The following CHODL variants were observed in gnomAD, a reference collection of about 807,000 sequenced individuals.
The protein encoded by CHODL is transmembrane protein MT75.
Under a neutral mutation model 34.5 loss-of-function variants are expected in CHODL, and 29 were observed. That is an observed-to-expected ratio of 0.84 (90% CI 0.63 to 1.15). CHODL has a LOEUF of 1.15. Among genes scored for constraint, CHODL ranks in the 50% most tolerant of loss-of-function variants. The probability of loss-of-function intolerance (pLI) is 0.00; values close to 1 mark genes in which losing one functional copy is unlikely to be tolerated. For missense variants in CHODL, 332 were observed against 332.5 expected (o/e 1.00, Z 0.01); for synonymous variants, 125 against 116.1 (o/e 1.08, Z -0.49).
rs148125625 is a variant in CHODL at position 17,921,795 on chromosome 21, A to C, written c.-145+4395A>C. Reference sequence around the variant, plus strand: ...AAGGCCAGCTAGGAATTTTTGGTACAAGTCCAGGCAAGAGATAATGCTGAG... The same window carrying C: ...AAGGCCAGCTAGGAATTTTTGGTACCAGTCCAGGCAAGAGATAATGCTGAG... On this transcript the variant is annotated intron_variant, in intron 1 of 6. Coordinates refer to the CHODL transcript ENST00000400127. 7.6e-3 allele frequency among the ~76,000 whole-genome samples: 1,163 copies of C among 152,296 alleles called. 15 individuals are homozygous for C. The highest frequency in any genetic ancestry group is 0.026 in the African/African-American group (1,075 of 41,560).
chr21:18,175,315 A>G (rs1266114232), intron 2 of CHODL, among the ~76,000 whole-genome samples: 6 of 152,126 alleles, frequency 3.9e-5, no homozygotes, highest in Admixed American at 1.3e-4. Context: ...ACTGTGTACC[A>G]GGTAGTGGTG....
chr21:17,982,039 G>C (rs772657444), intron 1 of CHODL, among the ~76,000 whole-genome samples: 6 of 152,194 alleles, frequency 3.9e-5, no homozygotes, highest in Non-Finnish European at 8.8e-5. Context: ...TCCTAGGATT[G>C]TTGGTGTAAA....
intron 1 of CHODL, among the ~76,000 whole-genome samples, chr21:17,972,854 A>G (rs9680478): frequency 0.018 from 2,706 of 152,290 alleles, 78 homozygotes; most frequent in African/African-American, 0.06. Flanking sequence ...AAGCAAAAAG[A>G]ACAAAGCTGG....
upstream of CHODL, among the ~76,000 whole-genome samples, chr21:18,243,841 C>T (rs2074104720): frequency 6.6e-6 from 1 of 152,080 alleles, no homozygotes. Context: ...CTTATGAAAC[C>T]AAAGACAGGA....
intron 2 of CHODL, among the ~76,000 whole-genome samples, chr21:18,217,119 C>T (rs1466655898): frequency 1.3e-5 from 2 of 152,128 alleles, no homozygotes; most frequent in African/African-American, 2.4e-5. Context: ...TGTGGAAGTG[C>T]ATATATCTTT....
intron 2 of CHODL, among the ~76,000 whole-genome samples, chr21:18,208,183 T>TTG (rs1209653796): frequency 6.6e-6 from 1 of 150,648 alleles, no homozygotes; most frequent in African/African-American, 2.5e-5. Flanking sequence ...TTTTTTTTTT[T>TTG]GGTCTGCTCT....
intron 2 of CHODL, among the ~76,000 whole-genome samples, chr21:18,144,755 A>T (rs1341172156): frequency 6.6e-6 from 1 of 151,834 alleles, no homozygotes; most frequent in African/African-American, 2.4e-5. Flanking sequence ...AAGATTTTAA[A>T]ATTTTTCTTT....
At chr21:18,232,940 A>ATT (rs931967464) in intron 2 of CHODL, among the ~76,000 whole-genome samples, 25 of 81,462 alleles carry the variant, frequency 3.1e-4, no homozygotes, top group South Asian at 7.3e-4. Context: ...ACATGATGTT[A>ATT]TGATATATAT....
At chr21:18,174,161 A>ATATCTTGGTATATATATAT (rs2073276201) in intron 2 of CHODL, among the ~76,000 whole-genome samples, 2 of 85,680 alleles carry the variant, frequency 2.3e-5, no homozygotes, top group South Asian at 7.4e-4. Flanking sequence ...ATATATATAT[A>ATATCTTGGTATATATATAT]AAATCAAGTC....
intron 1 of CHODL, among the ~76,000 whole-genome samples, chr21:17,930,813 CCTCT>C (rs961038556): frequency 2.6e-5 from 4 of 152,182 alleles, no homozygotes; most frequent in Non-Finnish European, 5.9e-5. Flanking sequence ...AACCATTCCC[CCTCT>C]CTCTATGAAG....
At chr21:18,028,254 T>A (rs2064200409) in intron 2 of CHODL, among the ~76,000 whole-genome samples, 1 of 62,282 alleles carries the variant, frequency 1.6e-5, no homozygotes. Context: ...CCCCTTTTCC[T>A]TTTCTTTTTC....
At chr21:18,087,268 T>C (rs1218493447) in intron 2 of CHODL, among the ~76,000 whole-genome samples, 4 of 152,036 alleles carry the variant, frequency 2.6e-5, no homozygotes, top group Non-Finnish European at 5.9e-5. Flanking sequence ...CAGGAGCCCA[T>C]AGCAGGGAAA....
rs1464660304 is a variant in CHODL, at chr21:18,239,536, C to T, written c.-44-16973C>T. Among the ~76,000 whole-genome samples the T allele has an allele frequency of 5.9e-5, 9 of 151,968 alleles. 1 individual carries two copies. Among genetic ancestry groups the T allele is most frequent in the Admixed American group, 3.9e-4 (6 of 15,240 alleles). ...GGCTTTGGCACTATTGTTTCCTAGT[C>T]ATTTGATATATTTGGAGAAACATTT... On this transcript the variant is annotated intron_variant, in intron 2 of 6. Coordinates refer to the CHODL transcript ENST00000400127.
intron 1 of CHODL, among the ~76,000 whole-genome samples, chr21:17,929,414 G>A (rs1282986209): frequency 6.6e-6 from 1 of 152,244 alleles, no homozygotes; most frequent in Non-Finnish European, 1.5e-5. Context: ...CAGCTAGTGG[G>A]TTCCTCTTCC....
intron 2 of CHODL, among the ~76,000 whole-genome samples, chr21:18,060,022 A>C (rs2064637984): frequency 6.6e-6 from 1 of 151,828 alleles, no homozygotes; most frequent in African/African-American, 2.4e-5. Context: ...ATCTGTCCAC[A>C]TTTCTCCTTC....
intron 1 of CHODL, among the ~76,000 whole-genome samples, chr21:18,023,832 AC>A (rs2064149738): frequency 6.6e-6 from 1 of 152,188 alleles, no homozygotes; most frequent in Admixed American, 6.5e-5. Context: ...AAAACAGTAT[AC>A]ATATGGCTTT....
At position 17,995,736 on chromosome 21, in the gene CHODL, T is replaced by C. The variant is rs2063842912; in HGVS notation, c.-144-32136T>C. ...TACCTACATCTTTAGGTCACTTCCT[T>C]CATATTTAGAGTCTTGCTGAAGAAC... On this transcript the variant is annotated intron_variant, in intron 1 of 6. Transcript: ENST00000400127. 3.3e-5 allele frequency among the ~76,000 whole-genome samples: 5 copies of C among 152,208 alleles called. No individual in the cohort carries two copies. The South Asian group carries it at 1.0e-3, about 31-fold the overall frequency.
chr21:17,940,259 A>T (rs911260288), intron 1 of CHODL, among the ~76,000 whole-genome samples: 3 of 152,212 alleles, frequency 2.0e-5, no homozygotes, highest in Non-Finnish European at 2.9e-5. Context: ...TTATCTCAAC[A>T]TATTGTCTAT....
intron 2 of CHODL, among the ~76,000 whole-genome samples, chr21:18,138,489 A>G (rs2072763225): frequency 6.6e-6 from 1 of 151,090 alleles, no homozygotes; most frequent in Non-Finnish European, 1.5e-5. Context: ...TTTTTCTGTT[A>G]TCATATTTAT....
Sources: gnomAD v4.1 joint callset for allele counts (sites outside exome capture counted in the v4.1 genomes callset) on GRCh38, gnomAD v4.1.1 for gene constraint, MANE v1.5 for transcripts, NCBI Gene and HGNC (gene_info 2026-07-23, HGNC 2026-07-21) for gene names.